The following ATF7IP2 variants were observed in gnomAD, a reference collection of about 807,000 sequenced individuals.
ATF7IP2 encodes activating transcription factor 7 interacting protein 2.
A neutral mutation model predicts 64.2 loss-of-function variants in ATF7IP2; 42 were observed. The ratio of observed to expected loss-of-function variants is 0.65; its 90% CI spans 0.51 to 0.85. The LOEUF (loss-of-function observed/expected upper bound fraction) is 0.85, where lower values mean the gene tolerates loss of function less well. Among genes scored for constraint, ATF7IP2 ranks in the 40% least tolerant of loss-of-function variants. ATF7IP2 has a pLI of 0.00. For synonymous variants in ATF7IP2, 308 were observed against 272.8 expected (o/e 1.13, Z -1.27); for missense variants, 933 against 784.2 (o/e 1.19, Z -2.27).
chr16:10,439,117 A>G (rs902363686), intron 7 of ATF7IP2, among the ~76,000 whole-genome samples: 4 of 151,722 alleles, frequency 2.6e-5, no homozygotes, highest in Non-Finnish European at 4.4e-5. Context: ...AACTTGTACA[A>G]CCTGTTTCAA....
At chr16:10,425,729 A>G (rs2048071759) in intron 3 of ATF7IP2, among the ~76,000 whole-genome samples, 1 of 152,096 alleles carries the variant, frequency 6.6e-6, no homozygotes, top group African/African-American at 2.4e-5. Flanking sequence ...CCCCATCTCT[A>G]TTAAAAATAC....
At chr16:10,394,559 A>G (rs190016804) in intron 1 of ATF7IP2, among the ~76,000 whole-genome samples, 5 of 152,334 alleles carry the variant, frequency 3.3e-5, no homozygotes, top group African/African-American at 1.2e-4. Context: ...TCCACCCAAC[A>G]ACAGCAGAAT....
At chr16:10,392,911 C>T (rs142487090) in intron 1 of ATF7IP2, among the ~76,000 whole-genome samples, 404 of 151,930 alleles carry the variant, frequency 2.7e-3, no homozygotes, top group African/African-American at 8.9e-3. Flanking sequence ...GTTTGAGTCC[C>T]GGAGGTTGAG....
At chr16:10,474,792 A>G (rs1418712225) in intron 12 of ATF7IP2, among the ~76,000 whole-genome samples, 12 of 152,260 alleles carry the variant, frequency 7.9e-5, no homozygotes, top group Non-Finnish European at 1.5e-4. Context: ...AATGCAGGTG[A>G]AAGAACAAAG....
At chr16:10,447,114 A>T (rs1474079567) in intron 8 of ATF7IP2, 2 of 152,110 alleles carry the variant, frequency 1.3e-5, no homozygotes, top group Non-Finnish European at 2.9e-5. Context: ...TGCAGATTGG[A>T]CTCACTCACT....
intron 8 of ATF7IP2, 144 bp from the exon 9 acceptor site, chr16:10,457,228 A>G: frequency 1.5e-6 from 1 of 656,548 alleles, no homozygotes. Context: ...AATCACAATC[A>G]TGGTCATCAG....
intron 8 of ATF7IP2, among the ~76,000 whole-genome samples, chr16:10,444,732 G>C (rs543937710): frequency 1.6e-3 from 251 of 152,264 alleles, no homozygotes; most frequent in South Asian, 3.7e-3. Context: ...TGATGAAGGT[G>C]GATGCCATGG....
intron 8 of ATF7IP2, among the ~76,000 whole-genome samples, chr16:10,443,286 G>T (rs532284953): frequency 6.6e-6 from 1 of 152,246 alleles, no homozygotes; most frequent in African/African-American, 2.4e-5. Flanking sequence ...AAGTAAAATT[G>T]GCATCGTTAG....
chr16:10,423,404 A>G (rs1176140559), intron 3 of ATF7IP2, among the ~76,000 whole-genome samples: 2 of 152,218 alleles, frequency 1.3e-5, no homozygotes, highest in Non-Finnish European at 2.9e-5. Flanking sequence ...AAGTATTTTA[A>G]AAGGAAAAGG....
intron 1 of ATF7IP2, among the ~76,000 whole-genome samples, chr16:10,411,908 T>G (rs565714333): frequency 4.0e-5 from 6 of 150,336 alleles, no homozygotes; most frequent in Admixed American, 2.6e-4. Flanking sequence ...CTTATTTGTT[T>G]TTTTTTTTTT....
At position 10,433,507 on chromosome 16, in the gene ATF7IP2, T is replaced by G; in HGVS notation, c.836-18T>G. On this transcript the variant is annotated intron_variant, in intron 5 of 13. Transcript: ENST00000562102. ...TTCTTTAAAATATCTTTCTTTCTAA[T>G]CTTTTGATCTCCTCAAGGCCATTAT... 6.3e-7 allele frequency: 1 copy of G among 1,599,860 alleles called. No homozygotes were observed. Among genetic ancestry groups the G allele is most frequent in the Non-Finnish European group, 8.5e-7 (1 of 1,173,394 alleles).
intron 1 of ATF7IP2, among the ~76,000 whole-genome samples, chr16:10,406,812 A>C (rs567746964): frequency 2.0e-5 from 3 of 152,350 alleles, no homozygotes; most frequent in Admixed American, 6.5e-5. Flanking sequence ...TAATTGCTTC[A>C]CTGCTGAATT....
At chr16:10,403,297 G>A (rs2047571134) in intron 1 of ATF7IP2, among the ~76,000 whole-genome samples, 1 of 152,080 alleles carries the variant, frequency 6.6e-6, no homozygotes, top group Non-Finnish European at 1.5e-5. Flanking sequence ...ATACCATGCT[G>A]GCTACTCAAG....
chr16:10,413,251 A>G (rs1030298791), intron 1 of ATF7IP2, among the ~76,000 whole-genome samples: 8 of 152,190 alleles, frequency 5.3e-5, no homozygotes, highest in Admixed American at 5.2e-4. Context: ...GGAGGGACCC[A>G]GGGGGAGGTA....
intron 8 of ATF7IP2, chr16:10,448,336 G>A (rs1374076504): frequency 6.6e-6 from 1 of 152,122 alleles, no homozygotes; most frequent in African/African-American, 2.4e-5. Context: ...GATGGGGATA[G>A]CATTGAATCT....
chr16:10,481,099 T>G, intron 13 of ATF7IP2, 135 bp downstream of exon 13: 3 of 633,108 alleles, frequency 4.7e-6, no homozygotes, highest in Non-Finnish European at 8.3e-6. Context: ...AATCTACTTA[T>G]TTATACAATT....
At chr16:10,478,504 C>T (rs1376281904) in intron 12 of ATF7IP2, among the ~76,000 whole-genome samples, 1 of 152,132 alleles carries the variant, frequency 6.6e-6, no homozygotes, top group African/African-American at 2.4e-5. Context: ...AAAATTTATT[C>T]AAGATGGATT....
intron 2 of ATF7IP2, 69 bp from the exon 3 acceptor site, chr16:10,419,512 A>C (rs1379809739): frequency 6.5e-6 from 1 of 153,110 alleles, no homozygotes; most frequent in African/African-American, 2.4e-5. Context: ...TACTCATGGC[A>C]ATGGTGATCA....
rs578127439 is a variant in ATF7IP2, at chr16:10,474,371, G to C, written c.1549+382G>C. 3.2e-4 allele frequency among the ~76,000 whole-genome samples: 49 copies of C among 152,230 alleles called. 1 individual carries two copies. The highest frequency in any genetic ancestry group is 3.0e-3 in the Admixed American group (46 of 15,298). On this transcript the variant is annotated intron_variant, in intron 12 of 13. Transcript: ENST00000562102. Reference sequence around the variant, plus strand: ...TCCTCTTTATTGCCAAGAGTAGCCCGTGGTGTGGATGCATCATAATTTCTT... The same window carrying C: ...TCCTCTTTATTGCCAAGAGTAGCCCCTGGTGTGGATGCATCATAATTTCTT...
Sources: allele counts gnomAD v4.1 joint callset (sites outside exome capture counted in the v4.1 genomes callset), GRCh38; gene constraint gnomAD v4.1.1; transcripts MANE v1.5; gene names NCBI Gene and HGNC (gene_info 2026-07-23, HGNC 2026-07-21).